The following PER2 variants were observed in gnomAD, a reference collection of about 807,000 sequenced individuals.
The protein encoded by PER2 is period circadian regulator 2, also known as period circadian protein homolog 2.
A neutral mutation model predicts 121.0 loss-of-function variants in PER2; 66 were observed. The observed-to-expected ratio is 0.55, with a 90% CI of 0.45 to 0.67. The LOEUF (loss-of-function observed/expected upper bound fraction) is 0.67. Among genes scored for constraint, PER2 ranks in the 30% least tolerant of loss-of-function variants. The pLI, the probability that PER2 is intolerant of heterozygous loss-of-function variation, is 0.00. For synonymous variants in PER2, 684 were observed against 659.9 expected, an observed-to-expected ratio of 1.04 and a Z score of -0.56; for missense variants, 1,521 against 1,635.0, an observed-to-expected ratio of 0.93 and a Z score of 1.20.
intron 1 of PER2, among the ~76,000 whole-genome samples, chr2:238,281,344 A>T (rs1210033734): frequency 6.6e-6 from 1 of 152,204 alleles, no homozygotes; most frequent in East Asian, 1.9e-4. Flanking sequence ...GCTTATGGTC[A>T]AAGGGAGGAA....
intron 16 of PER2, 105 bp downstream of exon 16, chr2:238,258,171 G>A: frequency 7.9e-7 from 1 of 1,264,050 alleles, no homozygotes; most frequent in Non-Finnish European, 1.2e-6. Context: ...TTGAAAAACA[G>A]CCTACACCCT....
In PER2 at chr2:238,261,852, T is replaced by G; in HGVS notation, c.1308-15A>C. 2 of 1,542,006 alleles carry G rather than the reference T, an allele frequency of 1.3e-6. No homozygotes were observed. The highest frequency in any genetic ancestry group is 1.8e-6 in the Non-Finnish European group (2 of 1,137,746). On this transcript the variant is annotated splice_polypyrimidine_tract_variant and intron_variant, in intron 11 of 22. Transcript: ENST00000254657. ...TCAAAGGGCCCCTGCGTGGTTTTAATTCATCTTGTTAGATGGGGCCCCACA... is the reference window on the plus strand; with the variant it reads ...TCAAAGGGCCCCTGCGTGGTTTTAAGTCATCTTGTTAGATGGGGCCCCACA...
chr2:238,261,094 TTGAACCCC>T, intron 12 of PER2, 141 bp from the exon 13 acceptor site: 1 of 1,027,616 alleles, frequency 9.7e-7, no homozygotes, highest in Non-Finnish European at 1.4e-6. Context: ...GAGCTGAGGT[TTGAACCCC>T]AGGGTCAGCT....
At position 238,252,827 on chromosome 2, in the gene PER2, ATGTC is replaced by A; in HGVS notation, c.3111+81_3111+84del. ...TGGAAACCTCAATCGTGTAACCCCC[ATGTC>A]TGAACTGAGGATGTGCGGCCGGCCT... On this transcript the variant is annotated intron_variant, in intron 19 of 22. Coordinates refer to ENST00000254657, the MANE Select transcript of PER2 (RefSeq NM_022817.3). This position sits in a 1 kb window ranked among gnomAD's most constrained non-coding sequence, Gnocchi z 4.2. 1 of 1,156,966 alleles carries A rather than the reference ATGTC, an allele frequency of 8.6e-7. No individual in the cohort carries two copies. Among genetic ancestry groups the A allele is most frequent in the Non-Finnish European group, 1.3e-6 (1 of 771,576 alleles). The allele number at this position is 1,156,966 out of a possible 1,614,324, so 71.7% of individuals were successfully genotyped here.
the PER2 span, among the ~76,000 whole-genome samples, chr2:238,296,046 T>C: frequency 1.2e-4 from 18 of 144,132 alleles, no homozygotes; most frequent in African/African-American, 4.7e-4. Context: ...GCAGAGTCAG[T>C]CGTGTGCCCT....
intron 1 of PER2, among the ~76,000 whole-genome samples, chr2:238,280,342 G>A (rs13406108): frequency 0.046 from 7,074 of 152,242 alleles, 556 homozygotes; most frequent in African/African-American, 0.16. Flanking sequence ...GAGAACAGCA[G>A]GGCCGACTAG....
chr2:238,267,793 A>T (rs1696154559), intron 8 of PER2, among the ~76,000 whole-genome samples: 1 of 152,094 alleles, frequency 6.6e-6, no homozygotes. Flanking sequence ...GGGAAAGGGG[A>T]GAAGGGGTCA....
Position 238,257,014 on chromosome 2 carries a change from C to A in PER2, c.1973G>T (p.Gly658Val). 1.2e-6 allele frequency: 2 copies of A among 1,613,580 alleles called. No homozygotes were observed. The highest frequency in any genetic ancestry group is 1.7e-6 in the Non-Finnish European group (2 of 1,179,872). ...GAGCGACGCCACACTCTCTGCCTTG[C>A]CCGGCAGTGCCAGCGAGGTCAGGTG... Reference protein sequence around the residue: ...GTHLTSLALPGKAESVASLTS... With the variant: ...GTHLTSLALPVKAESVASLTS... Residue 658 changes from glycine (G) to valine (V), a missense_variant, in exon 17 of 23, where the codon GGC becomes GTC. Gly to Val is a moderately radical substitution (Grantham distance 109). Transcript: ENST00000254657.
At position 238,268,472 on chromosome 2, in the gene PER2, G is replaced by A. The variant is rs1056610498; in HGVS notation, c.825-274C>T. On this transcript the variant is annotated intron_variant, in intron 7 of 22. Transcript: ENST00000254657. The surrounding 1 kb of genome is among the most constrained non-coding windows in gnomAD (Gnocchi z 4.0). ...CAGACAGAAAAGGGGTGCTGCTCCC[G>A]CCAGGGGTCCTCGGCCCTGACTCCT... Among the ~76,000 whole-genome samples the A allele has an allele frequency of 8.5e-5, 13 of 152,186 alleles. No homozygotes were observed. The highest frequency in any genetic ancestry group is 2.9e-4 in the African/African-American group (12 of 41,446).
At chr2:238,281,294 G>C (rs990907081) in intron 1 of PER2, among the ~76,000 whole-genome samples, 1 of 152,168 alleles carries the variant, frequency 6.6e-6, no homozygotes, top group Non-Finnish European at 1.5e-5. Flanking sequence ...GAGCCACCAG[G>C]CCCGGCCGTC....
At chr2:238,274,832 G>A (rs1018857548) in intron 4 of PER2, among the ~76,000 whole-genome samples, 1 of 152,170 alleles carries the variant, frequency 6.6e-6, no homozygotes, top group African/African-American at 2.4e-5. Context: ...TGGACAGTGG[G>A]ATTAGGGAGG....
intron 1 of PER2, among the ~76,000 whole-genome samples, chr2:238,287,401 T>A (rs906793708): frequency 3.9e-5 from 6 of 152,252 alleles, no homozygotes; most frequent in Non-Finnish European, 8.8e-5. Context: ...ACACCCAGCC[T>A]GGGACCAGAA....
chr2:238,270,329 G>A (rs1478416999), intron 6 of PER2, among the ~76,000 whole-genome samples: 1 of 151,904 alleles, frequency 6.6e-6, no homozygotes, highest in Non-Finnish European at 1.5e-5. Flanking sequence ...GAAATCAATT[G>A]GGCAACCTCA....
In PER2 at chr2:238,255,064, G is replaced by A. The variant is rs561277051; in HGVS notation, c.2320+593C>T. On this transcript the variant is annotated intron_variant, in intron 18 of 22. Coordinates refer to ENST00000254657, the MANE Select transcript of PER2 (RefSeq NM_022817.3). ...GGGGGATCAGGAGCCAGACTTCTGG[G>A]CCAGGAAAGGGGTGAAGAAGCTCAT... 2.5e-4 allele frequency: 39 copies of A among 158,138 alleles called. No individual in the cohort carries two copies. The South Asian group carries it at 6.4e-3, about 26-fold the overall frequency. 9.8% of individuals were successfully genotyped at this position (158,138 alleles called of 1,614,324 possible).
chr2:238,272,213 C>T (rs1392745889), intron 5 of PER2, among the ~76,000 whole-genome samples: 2 of 152,212 alleles, frequency 1.3e-5, no homozygotes, highest in South Asian at 2.1e-4. Flanking sequence ...CTGGAAGAAA[C>T]CCCAGCTGTC....
intron 21 of PER2, 71 bp from the exon 22 acceptor site, chr2:238,249,283 T>G (rs1347168163): frequency 6.8e-7 from 1 of 1,466,106 alleles, no homozygotes; most frequent in African/African-American, 1.4e-5. Context: ...TCTTTCAGAA[T>G]AATGTAGTTT....
At chr2:238,269,668 G>A (rs898623840) in intron 6 of PER2, among the ~76,000 whole-genome samples, 1 of 150,594 alleles carries the variant, frequency 6.6e-6, no homozygotes, top group Non-Finnish European at 1.5e-5. Context: ...CTGAACACAC[G>A]GTGCACTGCT....
At chr2:238,280,917 A>G (rs1696610392) in intron 1 of PER2, among the ~76,000 whole-genome samples, 1 of 152,158 alleles carries the variant, frequency 6.6e-6, no homozygotes, top group African/African-American at 2.4e-5. Flanking sequence ...CAGAGAACAA[A>G]CAAGTTACCC....
chr2:238,269,769 T>C (rs1291871352), intron 6 of PER2, among the ~76,000 whole-genome samples: 2 of 152,282 alleles, frequency 1.3e-5, no homozygotes, highest in African/African-American at 4.8e-5. Context: ...CAGTCACGGA[T>C]GTCCAGAACA....
Sources: gnomAD v4.1 joint callset for allele counts (sites outside exome capture counted in the v4.1 genomes callset) on GRCh38, gnomAD v4.1.1 for gene constraint, Gnocchi (gnomAD v3.1) non-coding constraint, MANE v1.5 for transcripts, NCBI Gene and HGNC (gene_info 2026-07-23, HGNC 2026-07-21) for gene names.